The following LRMDA variants were observed in gnomAD, a reference collection of about 807,000 sequenced individuals.
The protein encoded by LRMDA is leucine-rich melanocyte differentiation-associated protein.
In LRMDA, 18 loss-of-function variants were observed where a neutral mutation model predicts 29.8. The ratio of observed to expected loss-of-function variants is 0.60; its 90% CI spans 0.42 to 0.90. The LOEUF is 0.90. Ranked by LOEUF, LRMDA falls within the 40% of genes least tolerant of loss-of-function variation. The probability of loss-of-function intolerance (pLI) is 0.00; values close to 1 mark genes in which losing one functional copy is unlikely to be tolerated. For missense variants in LRMDA, 273 were observed against 273.9 expected (o/e 1.00, Z 0.02); for synonymous variants, 125 against 109.4 (o/e 1.14, Z -0.89).
At chr10:76,122,136 G>C (rs1438426251) in intron 5 of LRMDA, among the ~76,000 whole-genome samples, 1 of 152,224 alleles carries the variant, frequency 6.6e-6, no homozygotes, top group Non-Finnish European at 1.5e-5. Context: ...GCAGGTAGAT[G>C]AGAGTTCCAG....
intron 2 of LRMDA, among the ~76,000 whole-genome samples, chr10:75,872,301 T>TC (rs374637930): frequency 0.015 from 2,064 of 141,548 alleles, 37 homozygotes; most frequent in African/African-American, 0.05. Flanking sequence ...TCTCTCTCTC[T>TC]TTTTTTTTTT....
intron 2 of LRMDA, among the ~76,000 whole-genome samples, chr10:75,704,528 A>G (rs908785081): frequency 6.6e-6 from 1 of 152,196 alleles, no homozygotes; most frequent in African/African-American, 2.4e-5. Context: ...CCACTCCTCA[A>G]AAAAGTTCCT....
In LRMDA at chr10:75,454,891, C is replaced by G. The variant is rs538899420; in HGVS notation, c.131+16397C>G. 1.3e-3 allele frequency among the ~76,000 whole-genome samples: 193 copies of G among 152,338 alleles called. 1 individual carries two copies. The highest frequency in any genetic ancestry group is 0.012 in the South Asian group (57 of 4,826). On this transcript the variant is annotated intron_variant, in intron 2 of 6. Transcript: ENST00000611255. Reference sequence around the variant, plus strand: ...GAAAGTCTTTCGTCAAGTGCTCTGCCTCTGAGGAGCACTGTATTTGTTCCA... The same window carrying G: ...GAAAGTCTTTCGTCAAGTGCTCTGCGTCTGAGGAGCACTGTATTTGTTCCA...
rs183285546 is a variant in LRMDA, at chr10:76,426,549, G to A, written c.601+102064G>A. Among the ~76,000 whole-genome samples the A allele has an allele frequency of 4.6e-5, 7 of 152,162 alleles. No individual in the cohort carries two copies. In the South Asian group the frequency reaches 1.0e-3, roughly 23 times the overall value. On this transcript the variant is annotated intron_variant, in intron 6 of 6. Coordinates refer to ENST00000611255, the MANE Select transcript of LRMDA (RefSeq NM_001305581.2). ...TGCAAAAATTTTCTCCCATTCTGTA[G>A]GTTGCCTGTTCACTCTGATGGTAGT...
At chr10:76,461,703 G>A (rs1432191997) in intron 6 of LRMDA, among the ~76,000 whole-genome samples, 2 of 152,172 alleles carry the variant, frequency 1.3e-5, no homozygotes, top group Non-Finnish European at 2.9e-5. Context: ...TGCCCTCTGA[G>A]AAGAGAAGTG....
chr10:76,439,349 T>C (rs756165239), intron 6 of LRMDA, among the ~76,000 whole-genome samples: 1 of 152,180 alleles, frequency 6.6e-6, no homozygotes, highest in Non-Finnish European at 1.5e-5. Flanking sequence ...TTTCCTAATA[T>C]TGCCATTAGT....
At chr10:76,045,121 C>T (rs1848411973) in intron 3 of LRMDA, among the ~76,000 whole-genome samples, 1 of 147,556 alleles carries the variant, frequency 6.8e-6, no homozygotes, top group African/African-American at 2.5e-5. Context: ...TTTTCCCCTC[C>T]CTTGCTAGTT....
intron 5 of LRMDA, among the ~76,000 whole-genome samples, chr10:76,311,623 T>G (rs1840630442): frequency 6.6e-6 from 1 of 152,200 alleles, no homozygotes; most frequent in African/African-American, 2.4e-5. Context: ...TCATTCCAAT[T>G]TACTACCACG....
In LRMDA at chr10:76,518,577, A is replaced by G. The variant is rs80264701; in HGVS notation, c.602-38632A>G. Among the ~76,000 whole-genome samples the G allele has an allele frequency of 4.3e-3, 652 of 152,300 alleles. 1 individual carries two copies. The highest frequency in any genetic ancestry group is 0.015 in the African/African-American group (609 of 41,580). ...TCAACAGTAAAAAACTCCTGCAACT[A>G]AACTATGAAATAATGGTTTCATATT... On this transcript the variant is annotated intron_variant, in intron 6 of 6. Coordinates refer to ENST00000611255, the MANE Select transcript of LRMDA (RefSeq NM_001305581.2).
chr10:76,303,522 TTC>T (rs760088602), intron 5 of LRMDA, among the ~76,000 whole-genome samples: 22 of 152,124 alleles, frequency 1.4e-4, no homozygotes, highest in Non-Finnish European at 2.9e-4. Flanking sequence ...CAGTGATCTC[TTC>T]TTTCTTACTG....
intron 5 of LRMDA, among the ~76,000 whole-genome samples, chr10:76,250,240 C>G (rs547899607): frequency 3.0e-4 from 46 of 152,254 alleles, no homozygotes; most frequent in Admixed American, 7.2e-4. Context: ...TATTGTGAAG[C>G]AAGATTGAAA....
chr10:76,115,551 G>A (rs1489802796), intron 5 of LRMDA, among the ~76,000 whole-genome samples: 1 of 152,244 alleles, frequency 6.6e-6, no homozygotes, highest in Non-Finnish European at 1.5e-5. Context: ...GATGGGAGGA[G>A]GTGCAGGGAG....
At chr10:76,554,246 G>A (rs1843527851) in intron 6 of LRMDA, among the ~76,000 whole-genome samples, 1 of 152,128 alleles carries the variant, frequency 6.6e-6, no homozygotes, top group Admixed American at 6.5e-5. Context: ...AATATCCTTG[G>A]CATAATATGG....
chr10:75,622,965 T>A (rs1841206183), intron 2 of LRMDA, among the ~76,000 whole-genome samples: 1 of 152,216 alleles, frequency 6.6e-6, no homozygotes, highest in East Asian at 1.9e-4. Flanking sequence ...ACTATTTTGT[T>A]ATACAGTACC....
chr10:76,227,055 C>G (rs947948016), intron 5 of LRMDA, among the ~76,000 whole-genome samples: 3 of 152,178 alleles, frequency 2.0e-5, no homozygotes, highest in African/African-American at 7.2e-5. Flanking sequence ...GTGCCTCTAC[C>G]TGTTATCTGA....
chr10:75,673,519 C>G (rs144676712), intron 2 of LRMDA, among the ~76,000 whole-genome samples: 31 of 152,304 alleles, frequency 2.0e-4, no homozygotes, highest in African/African-American at 7.5e-4. Context: ...TGTACTGAGA[C>G]TCCCAGGAGA....
rs200208479 is a variant in LRMDA, at chr10:76,220,413, C to T, written c.517-103988C>T. The stretch of plus-strand genomic sequence containing the variant: ...AGAAAAGAGAGAAGAATCAAATAGA[C>T]GCAATAAAAAATGATAAAGGGGATA... On this transcript the variant is annotated intron_variant, in intron 5 of 6. Coordinates refer to ENST00000611255, the MANE Select transcript of LRMDA (RefSeq NM_001305581.2). 9.8e-4 allele frequency among the ~76,000 whole-genome samples: 148 copies of T among 151,716 alleles called. 1 individual carries two copies. In the East Asian group the frequency reaches 0.012, roughly 12 times the overall value.
chr10:75,859,756 A>T (rs538272703), intron 2 of LRMDA, among the ~76,000 whole-genome samples: 1 of 152,276 alleles, frequency 6.6e-6, no homozygotes, highest in South Asian at 2.1e-4. Context: ...TGATGCTGTC[A>T]AATAAACAGG....
chr10:76,087,251 G>A (rs1006256462), intron 5 of LRMDA, among the ~76,000 whole-genome samples: 4 of 152,136 alleles, frequency 2.6e-5, no homozygotes, highest in African/African-American at 9.7e-5. Flanking sequence ...AAGCAGTGTA[G>A]GGCAGAACTG....
Sources: gnomAD v4.1 joint callset for allele counts (sites outside exome capture counted in the v4.1 genomes callset) on GRCh38, gnomAD v4.1.1 for gene constraint, MANE v1.5 for transcripts, NCBI Gene and HGNC (gene_info 2026-07-23, HGNC 2026-07-21) for gene names.